GRIA1: variants seen among roughly 807,000 people sequenced by gnomAD.
GRIA1 encodes the protein glutamate ionotropic receptor AMPA type subunit 1, also known as glutamate receptor 1.
In GRIA1, 31 loss-of-function variants were observed where a neutral mutation model predicts 99.2. That is an observed-to-expected ratio of 0.31 (90% confidence interval 0.23 to 0.42). The LOEUF (loss-of-function observed/expected upper bound fraction) is 0.42, where lower values mean the gene tolerates loss of function less well. Among genes scored for constraint, GRIA1 ranks in the 10% least tolerant of loss-of-function variants. The pLI is 1.00. For missense variants in GRIA1, 782 were observed against 1,157.5 expected (o/e 0.68, Z 4.71); for synonymous variants, 438 against 432.4 (o/e 1.01, Z -0.16).
chr5:153,683,594 C>T (rs1457371592), intron 7 of GRIA1, among the ~76,000 whole-genome samples: 1 of 152,140 alleles, frequency 6.6e-6, no homozygotes, highest in Non-Finnish European at 1.5e-5. Flanking sequence ...GGACCCTTGA[C>T]CTTATTGGAA....
chr5:153,794,923 C>G (rs569684463), intron 14 of GRIA1, among the ~76,000 whole-genome samples, 188 bp downstream of exon 14: 2 of 152,152 alleles, frequency 1.3e-5, no homozygotes, highest in Non-Finnish European at 2.9e-5. Flanking sequence ...TTCCAAGGGG[C>G]CTTCTGGTTT....
chr5:153,764,103 T>C lies in GRIA1; in HGVS notation c.1824-331T>C, dbSNP rs1250078423. Among the ~76,000 whole-genome samples the C allele has an allele frequency of 2.0e-5, 3 of 152,224 alleles. No homozygotes were observed. In the East Asian group the frequency reaches 5.8e-4, roughly 29 times the overall value. Reference sequence around the variant, plus strand: ...TGTGTATGTAATTGCTTATACATATTTGTGATTTTTGTGGGCAAGTGTTGA... The same window carrying C: ...TGTGTATGTAATTGCTTATACATATCTGTGATTTTTGTGGGCAAGTGTTGA... On this transcript the variant is annotated intron_variant, in intron 11 of 15. Transcript: ENST00000285900.
intron 6 of GRIA1, among the ~76,000 whole-genome samples, chr5:153,675,693 C>G (rs1020061315): frequency 2.0e-5 from 3 of 152,128 alleles, no homozygotes; most frequent in Admixed American, 1.3e-4. Context: ...TGATTTAACT[C>G]TTCAATAATG....
chr5:153,723,385 G>A (rs1237822697), intron 11 of GRIA1, among the ~76,000 whole-genome samples: 1 of 152,220 alleles, frequency 6.6e-6, no homozygotes, highest in East Asian at 1.9e-4. Flanking sequence ...GTGCCAGACA[G>A]TGGGCGCAGG....
At chr5:153,659,327 A>G (rs1418391579) in intron 5 of GRIA1, among the ~76,000 whole-genome samples, 1 of 152,228 alleles carries the variant, frequency 6.6e-6, no homozygotes, top group African/African-American at 2.4e-5. Flanking sequence ...GTTTATTTCC[A>G]TAGCATTGGT....
intron 2 of GRIA1, among the ~76,000 whole-genome samples, chr5:153,637,060 G>A (rs1451414849): frequency 6.6e-6 from 1 of 152,238 alleles, no homozygotes; most frequent in Non-Finnish European, 1.5e-5. Flanking sequence ...GAGTTATTGT[G>A]AAGAGTAAGT....
At chr5:153,584,231 G>A (rs530084793) in intron 2 of GRIA1, among the ~76,000 whole-genome samples, 54 of 152,290 alleles carry the variant, frequency 3.5e-4, no homozygotes, top group African/African-American at 1.3e-3. Context: ...TGTTATATGT[G>A]TGAGAAGACT....
chr5:153,534,503 A>T (rs1029929183), intron 2 of GRIA1, among the ~76,000 whole-genome samples: 1 of 152,240 alleles, frequency 6.6e-6, no homozygotes, highest in Non-Finnish European at 1.5e-5. Context: ...AAAATCTTGC[A>T]TGTACAGTTT....
intron 12 of GRIA1, among the ~76,000 whole-genome samples, chr5:153,767,780 G>C (rs1185522540): frequency 6.6e-6 from 1 of 152,196 alleles, no homozygotes; most frequent in African/African-American, 2.4e-5. Context: ...TGTATGAAGA[G>C]TCATGGGAGC....
intron 8 of GRIA1, among the ~76,000 whole-genome samples, chr5:153,689,024 T>C (rs936662223): frequency 6.6e-5 from 10 of 151,922 alleles, no homozygotes; most frequent in Middle Eastern, 3.2e-3. Flanking sequence ...CCAGGCTTTT[T>C]TTTCTTTCTT....
Position 153,810,934 on chromosome 5 carries a change from T to C in GRIA1, c.2521-91T>C, listed in dbSNP as rs112571192. Reference sequence around the variant, plus strand: ...AAAGGGGGTGGATGGGAAAGCAGAGTTGGATTTACATTTGAAGTCCAGTCT... The same window carrying C: ...AAAGGGGGTGGATGGGAAAGCAGAGCTGGATTTACATTTGAAGTCCAGTCT... On this transcript the variant is annotated intron_variant, in intron 15 of 15. Coordinates refer to ENST00000285900, the MANE Select transcript of GRIA1 (RefSeq NM_000827.4). 60 of 884,824 alleles carry C rather than the reference T, an allele frequency of 6.8e-5. No homozygotes were observed. In the African/African-American group the frequency reaches 9.1e-4, roughly 13 times the overall value. The allele number at this position is 884,824 out of a possible 1,614,324, so 54.8% of individuals were successfully genotyped here.
At chr5:153,806,463 C>T (rs1401949517) in intron 15 of GRIA1, among the ~76,000 whole-genome samples, 1 of 152,112 alleles carries the variant, frequency 6.6e-6, no homozygotes, top group African/African-American at 2.4e-5. Context: ...GATGGGGTTT[C>T]ACCATGTTAG....
rs143336124 is a variant in GRIA1 at position 153,589,011 on chromosome 5, C to T, written c.221-57917C>T. Among the ~76,000 whole-genome samples, 1,372 of 151,964 alleles carry T rather than the reference C, an allele frequency of 9.0e-3. 12 individuals carry two copies. Among genetic ancestry groups the T allele is most frequent in the Non-Finnish European group, 0.014 (930 of 67,956 alleles). On this transcript the variant is annotated intron_variant, in intron 2 of 15. Transcript: ENST00000285900. ...ATAAAGAAATGAAGTAAAAGAAAGT[C>T]AATTTTTATATTATTCTAAGTGAGG...
intron 11 of GRIA1, among the ~76,000 whole-genome samples, chr5:153,713,092 T>C (rs1358945278): frequency 1.3e-5 from 2 of 152,180 alleles, no homozygotes; most frequent in Non-Finnish European, 2.9e-5. Flanking sequence ...GAGTTTGATA[T>C]TGAGTCAAAA....
intron 2 of GRIA1, among the ~76,000 whole-genome samples, chr5:153,512,913 C>G (rs1389018785): frequency 6.6e-6 from 1 of 152,134 alleles, no homozygotes; most frequent in Non-Finnish European, 1.5e-5. Flanking sequence ...TGGATTAATA[C>G]TCTATAAGAG....
intron 2 of GRIA1, among the ~76,000 whole-genome samples, chr5:153,562,063 G>A (rs992877632): frequency 2.0e-5 from 3 of 151,758 alleles, no homozygotes; most frequent in Non-Finnish European, 4.4e-5. Flanking sequence ...TGCATTGGGG[G>A]GTAAGACTTT....
At chr5:153,722,793 T>C (rs995475427) in intron 11 of GRIA1, among the ~76,000 whole-genome samples, 1 of 152,184 alleles carries the variant, frequency 6.6e-6, no homozygotes, top group African/African-American at 2.4e-5. Flanking sequence ...TCTCTTCACA[T>C]AGAGACTCCT....
intron 2 of GRIA1, among the ~76,000 whole-genome samples, chr5:153,502,232 C>T (rs1388776034): frequency 6.6e-6 from 1 of 152,190 alleles, no homozygotes; most frequent in Non-Finnish European, 1.5e-5. Context: ...CTGGACTAAG[C>T]AATGTGAGGT....
intron 2 of GRIA1, among the ~76,000 whole-genome samples, chr5:153,602,646 G>C (rs544993499): frequency 2.6e-5 from 4 of 152,210 alleles, no homozygotes; most frequent in African/African-American, 9.6e-5. Flanking sequence ...AGCCAAAAAA[G>C]ATAAAGTAAT....
Sources: gnomAD v4.1 joint callset for allele counts (sites outside exome capture counted in the v4.1 genomes callset) on GRCh38, gnomAD v4.1.1 for gene constraint, MANE v1.5 for transcripts, NCBI Gene and HGNC (gene_info 2026-07-23, HGNC 2026-07-21) for gene names.